The following OIT3 variants were observed in gnomAD, a reference collection of about 807,000 sequenced individuals.
OIT3 encodes oncoprotein-induced transcript 3 protein.
A neutral mutation model predicts 52.2 loss-of-function variants in OIT3; 41 were observed. The ratio of observed to expected loss-of-function variants is 0.79; its 90% CI spans 0.61 to 1.02. The LOEUF is 1.02. Ranked by LOEUF, OIT3 falls within the 50% of genes least tolerant of loss-of-function variation. The probability of loss-of-function intolerance (pLI) is 0.00; values close to 1 mark genes in which losing one functional copy is unlikely to be tolerated. For missense variants in OIT3, 634 were observed against 715.5 expected, an observed-to-expected ratio of 0.89 and a Z score of 1.30; for synonymous variants, 244 against 276.9, an observed-to-expected ratio of 0.88 and a Z score of 1.18.
Position 72,905,690 on chromosome 10 carries a change from G to A in OIT3, c.545-906G>A, listed in dbSNP as rs541741139. ...CGTACTTCAGCCATGGCAGAGCCCT[G>A]GCTTGGGGCTTCCATTGCTTGTGAA... On this transcript the variant is annotated intron_variant, in intron 3 of 8. Coordinates refer to ENST00000334011, the MANE Select transcript of OIT3 (RefSeq NM_152635.3). Among the ~76,000 whole-genome samples the A allele has an allele frequency of 5.3e-5, 8 of 152,294 alleles. No individual in the cohort carries two copies. In the South Asian group the frequency reaches 1.7e-3, roughly 32 times the overall value.
intron 3 of OIT3, among the ~76,000 whole-genome samples, chr10:72,902,668 G>A (rs1383099487): frequency 6.6e-6 from 1 of 152,214 alleles, no homozygotes; most frequent in Non-Finnish European, 1.5e-5. Context: ...GAAGATGAAT[G>A]AGAAGCAAAG....
rs140774347 is a variant in OIT3, at chr10:72,910,645, A to C, written c.668-1072A>C. Among the ~76,000 whole-genome samples the C allele has an allele frequency of 3.7e-3, 568 of 152,360 alleles. 3 individuals are homozygous for C. The highest frequency in any genetic ancestry group is 0.013 in the African/African-American group (551 of 41,586). ...TCCAAATAACTGCTTTTTAAAAACT[A>C]TTATTGAACTGAGAGAGTTATAGCT... On this transcript the variant is annotated intron_variant, in intron 4 of 8. Transcript: ENST00000334011.
At chr10:72,925,115 C>CAA (rs751143274) in intron 7 of OIT3, among the ~76,000 whole-genome samples, 515 of 37,940 alleles carry the variant, frequency 0.014, 8 homozygotes, top group African/African-American at 0.034. Flanking sequence ...CCTAAAATCT[C>CAA]AAAAAAAAAA....
At chr10:72,924,713 C>T in intron 7 of OIT3, 69 bp downstream of exon 7, 2 of 1,239,600 alleles carry the variant, frequency 1.6e-6, no homozygotes, top group South Asian at 1.5e-5. Context: ...ACAGCACACC[C>T]AGTCATTTAC....
Position 72,932,824 on chromosome 10 carries a change from G to A in OIT3, c.*300G>A, listed in dbSNP as rs193248635. 1.8e-4 allele frequency: 49 copies of A among 276,342 alleles called. No homozygotes were observed. The highest frequency in any genetic ancestry group is 1.0e-3 in the African/African-American group (48 of 45,874). The allele number at this position is 276,342 out of a possible 1,614,324, so 17.1% of individuals were successfully genotyped here. A position where few individuals can be genotyped will look rare whatever the true frequency, so the allele number is the denominator to read the frequency against. On this transcript the variant is annotated 3_prime_UTR_variant, in exon 9 of 9. Coordinates refer to ENST00000334011, the MANE Select transcript of OIT3 (RefSeq NM_152635.3). ...TCCTACACTTAAATACCTCGTGTATGGTGCAATCAGACCACAAAATCAGAA... is the reference window on the plus strand; with the variant it reads ...TCCTACACTTAAATACCTCGTGTATAGTGCAATCAGACCACAAAATCAGAA...
chr10:72,913,174 T>A, intron 5 of OIT3, 134 bp from the exon 6 acceptor site: 1 of 618,534 alleles, frequency 1.6e-6, no homozygotes. Context: ...TTCACCAACT[T>A]GTTTTCAGCC....
rs556898041 is a variant in OIT3, at chr10:72,932,585, C to A, written c.*61C>A. On this transcript the variant is annotated 3_prime_UTR_variant, in exon 9 of 9. Coordinates refer to ENST00000334011, the MANE Select transcript of OIT3 (RefSeq NM_152635.3). ...CTCTGCTCTTTGGAGCTTCTCCCCC[C>A]ACCGCCCTCTAAGAACATCTGCCAA... 16 of 1,456,112 alleles carry A rather than the reference C, an allele frequency of 1.1e-5. No homozygotes were observed. The highest frequency in any genetic ancestry group is 1.1e-4 in the South Asian group (8 of 74,086). 90.2% of individuals were successfully genotyped at this position (1,456,112 alleles called of 1,614,324 possible). A position where few individuals can be genotyped will look rare whatever the true frequency, so the allele number is the denominator to read the frequency against.
At chr10:72,923,424 C>T (rs73288643) in intron 6 of OIT3, among the ~76,000 whole-genome samples, 4,343 of 150,378 alleles carry the variant, frequency 0.029, 196 homozygotes, top group African/African-American at 0.1. Flanking sequence ...GAGGTCTCAC[C>T]CAGCCAGGAA....
At chr10:72,914,909 G>T (rs999773887) in intron 6 of OIT3, among the ~76,000 whole-genome samples, 6 of 150,838 alleles carry the variant, frequency 4.0e-5, no homozygotes, top group Non-Finnish European at 8.9e-5. Flanking sequence ...TGCTTTTGTT[G>T]CCCAGGCTGG....
intron 1 of OIT3, among the ~76,000 whole-genome samples, chr10:72,897,238 G>A (rs2132921458): frequency 6.6e-6 from 1 of 152,232 alleles, no homozygotes; most frequent in Middle Eastern, 3.4e-3. Flanking sequence ...TGACCAGGCT[G>A]GTCTCGAACT....
At chr10:72,918,727 C>T (rs1004807970) in intron 6 of OIT3, among the ~76,000 whole-genome samples, 2 of 152,028 alleles carry the variant, frequency 1.3e-5, no homozygotes, top group Non-Finnish European at 2.9e-5. Context: ...GCCAGGTATC[C>T]CAGCACCGTT....
intron 6 of OIT3, among the ~76,000 whole-genome samples, chr10:72,919,609 T>G (rs1050327259): frequency 2.0e-5 from 3 of 152,208 alleles, no homozygotes; most frequent in African/African-American, 7.2e-5. Flanking sequence ...CTTATTATTT[T>G]GAAGTATATT....
In OIT3 at chr10:72,899,610, AAG is replaced by A. The variant is rs1400758746; in HGVS notation, c.436+574_436+575del. Among the ~76,000 whole-genome samples the A allele has an allele frequency of 1.0e-4, 15 of 147,138 alleles. 1 individual carries two copies. In the South Asian group the frequency reaches 3.0e-3, roughly 29 times the overall value. On this transcript the variant is annotated intron_variant, in intron 2 of 8. Coordinates refer to ENST00000334011, the MANE Select transcript of OIT3 (RefSeq NM_152635.3). ...GACTCTGATTCAAAAAAAAAAAAAA[AAG>A]AAAAAAAGAAAATGAAACACTGATT...
At chr10:72,893,963 C>T in intron 1 of OIT3, 104 bp downstream of exon 1, 1 of 667,198 alleles carries the variant, frequency 1.5e-6, no homozygotes, top group Non-Finnish European at 2.5e-6. Flanking sequence ...TAAATGCTAG[C>T]TCTAGAATCT....
chr10:72,912,436 A>G (rs1174768288), intron 5 of OIT3, among the ~76,000 whole-genome samples: 1 of 151,594 alleles, frequency 6.6e-6, no homozygotes, highest in Non-Finnish European at 1.5e-5. Context: ...ATGCCTGGCT[A>G]ATTTTTGCAT....
chr10:72,915,821 T>C (rs183795618), intron 6 of OIT3, among the ~76,000 whole-genome samples: 4 of 152,320 alleles, frequency 2.6e-5, no homozygotes, highest in Admixed American at 2.6e-4. Context: ...TGGTGCCTTG[T>C]TGGACCTCAG....
chr10:72,909,714 A>C (rs1425356379), intron 4 of OIT3, among the ~76,000 whole-genome samples: 1 of 151,976 alleles, frequency 6.6e-6, no homozygotes, highest in Non-Finnish European at 1.5e-5. Flanking sequence ...CTCCTGCCTC[A>C]ACCTCCCCAG....
At chr10:72,912,958 A>G (rs1187931377) in intron 5 of OIT3, among the ~76,000 whole-genome samples, 1 of 152,194 alleles carries the variant, frequency 6.6e-6, no homozygotes, top group African/African-American at 2.4e-5. Context: ...ATATCAAAGC[A>G]GCACTTTTTC....
At chr10:72,924,205 T>G in intron 6 of OIT3, 24 bp from the exon 7 acceptor site, 1 of 1,551,248 alleles carries the variant, frequency 6.4e-7, no homozygotes. Flanking sequence ...ATCTCTTTCC[T>G]CTCCTCACCC....
Sources: gnomAD v4.1 joint callset for allele counts (sites outside exome capture counted in the v4.1 genomes callset) on GRCh38, gnomAD v4.1.1 for gene constraint, MANE v1.5 for transcripts, NCBI Gene and HGNC (gene_info 2026-07-23, HGNC 2026-07-21) for gene names.